Variants in CTNND2 observed in about 807,000 individuals in gnomAD.
The protein encoded by CTNND2 is catenin delta 2.
CTNND2 carries 22 observed loss-of-function variants against 144.4 expected under a neutral mutation model. That is an observed-to-expected ratio of 0.15 (90% CI 0.11 to 0.22). The LOEUF is 0.22. CTNND2 is among the 10% of genes least tolerant of loss of function. The pLI, the probability that CTNND2 is intolerant of heterozygous loss-of-function variation, is 1.00. For missense variants in CTNND2, 1,353 were observed against 1,618.8 expected (o/e 0.84, Z 2.82); for synonymous variants, 751 against 695.6 (o/e 1.08, Z -1.25).
At chr5:11,152,014 A>G (rs1757793991) in intron 12 of CTNND2, among the ~76,000 whole-genome samples, 1 of 152,220 alleles carries the variant, frequency 6.6e-6, no homozygotes, top group Admixed American at 6.5e-5. Flanking sequence ...CCTAACAGAT[A>G]CAAAGCTCAA....
intron 16 of CTNND2, among the ~76,000 whole-genome samples, chr5:11,030,175 TTATC>T (rs769178189): frequency 6.6e-6 from 1 of 152,184 alleles, no homozygotes; most frequent in Non-Finnish European, 1.5e-5. Context: ...TCAAGATTCT[TTATC>T]TATGTCTTTC....
intron 3 of CTNND2, among the ~76,000 whole-genome samples, chr5:11,538,447 T>C (rs931318075): frequency 6.6e-6 from 1 of 152,208 alleles, no homozygotes; most frequent in African/African-American, 2.4e-5. Flanking sequence ...GTGACCACTA[T>C]GTATGCTTAG....
At chr5:11,655,376 C>G (rs1581675520) in intron 2 of CTNND2, among the ~76,000 whole-genome samples, 1 of 151,894 alleles carries the variant, frequency 6.6e-6, no homozygotes, top group East Asian at 1.9e-4. Flanking sequence ...AAGGTGCAAC[C>G]ACCACCCCCA....
At chr5:10,977,046 C>CT (rs1736578957) in intron 21 of CTNND2, among the ~76,000 whole-genome samples, 1 of 152,208 alleles carries the variant, frequency 6.6e-6, no homozygotes, top group Non-Finnish European at 1.5e-5. Flanking sequence ...TTTAACAGCC[C>CT]TTTGGGGAAT....
At chr5:11,741,896 T>G (rs1340539369) in intron 1 of CTNND2, among the ~76,000 whole-genome samples, 1 of 151,322 alleles carries the variant, frequency 6.6e-6, no homozygotes, top group African/African-American at 2.4e-5. Flanking sequence ...TAATGTTATT[T>G]GCAGTGACCT....
intron 12 of CTNND2, among the ~76,000 whole-genome samples, chr5:11,140,745 G>A (rs968471725): frequency 3.3e-5 from 5 of 152,118 alleles, no homozygotes; most frequent in African/African-American, 1.2e-4. Flanking sequence ...TTCATCCAAT[G>A]TATAGGAGAA....
chr5:11,606,181 A>T (rs1780035913), intron 2 of CTNND2, among the ~76,000 whole-genome samples: 1 of 152,230 alleles, frequency 6.6e-6, no homozygotes, highest in African/African-American at 2.4e-5. Context: ...AAGGAAATGG[A>T]GACTTCAACA....
intron 12 of CTNND2, among the ~76,000 whole-genome samples, chr5:11,141,496 T>C (rs946221808): frequency 6.6e-6 from 1 of 152,180 alleles, no homozygotes; most frequent in Non-Finnish European, 1.5e-5. Context: ...TCAGTAAAAA[T>C]ATCCTTTGGG....
At chr5:11,436,338 AG>A (rs1165678924) in intron 3 of CTNND2, among the ~76,000 whole-genome samples, 1 of 152,158 alleles carries the variant, frequency 6.6e-6, no homozygotes, top group African/African-American at 2.4e-5. Flanking sequence ...ATCTCCAACC[AG>A]GCTATTTATT....
chr5:11,169,734 C>T (rs17186117), intron 11 of CTNND2, among the ~76,000 whole-genome samples: 1,793 of 152,154 alleles, frequency 0.012, 21 homozygotes, highest in Middle Eastern at 0.034. Flanking sequence ...TCAACATAAG[C>T]GCGCTAATTG....
At chr5:11,895,426 T>C (rs1489501290) in intron 1 of CTNND2, among the ~76,000 whole-genome samples, 1 of 152,206 alleles carries the variant, frequency 6.6e-6, no homozygotes, top group Non-Finnish European at 1.5e-5. Flanking sequence ...ACAGGAATTA[T>C]TGTTTCCCCT....
chr5:11,462,416 G>A (rs976654802), intron 3 of CTNND2, among the ~76,000 whole-genome samples: 1 of 152,066 alleles, frequency 6.6e-6, no homozygotes, highest in Non-Finnish European at 1.5e-5. Context: ...CCCTCAACTT[G>A]AGCCCTGGCC....
At chr5:11,604,563 C>G (rs1779959403) in intron 2 of CTNND2, among the ~76,000 whole-genome samples, 1 of 152,180 alleles carries the variant, frequency 6.6e-6, no homozygotes, top group African/African-American at 2.4e-5. Flanking sequence ...CTTTGCAAGT[C>G]CCCTTGCCTT....
At chr5:11,605,358 A>T (rs1779994547) in intron 2 of CTNND2, among the ~76,000 whole-genome samples, 1 of 152,270 alleles carries the variant, frequency 6.6e-6, no homozygotes, top group Admixed American at 6.5e-5. Context: ...CTAATGAAGC[A>T]TCACAGACAA....
intron 5 of CTNND2, among the ~76,000 whole-genome samples, chr5:11,404,890 A>T (rs1281986034): frequency 6.6e-6 from 1 of 151,902 alleles, no homozygotes; most frequent in African/African-American, 2.4e-5. Flanking sequence ...GATTGCAGGC[A>T]TGAGCCACTG....
intron 21 of CTNND2, among the ~76,000 whole-genome samples, chr5:10,979,090 G>A (rs1736891406): frequency 6.6e-6 from 1 of 152,146 alleles, no homozygotes; most frequent in Non-Finnish European, 1.5e-5. Context: ...CTCTACCTGA[G>A]GGGACTCAAG....
At chr5:11,279,115 C>T (rs1746852059) in intron 9 of CTNND2, among the ~76,000 whole-genome samples, 1 of 152,132 alleles carries the variant, frequency 6.6e-6, no homozygotes, top group African/African-American at 2.4e-5. Flanking sequence ...ATCCATGGGA[C>T]TGTCTTGGGC....
At chr5:11,453,628 G>T (rs1765475962) in intron 3 of CTNND2, among the ~76,000 whole-genome samples, 1 of 152,126 alleles carries the variant, frequency 6.6e-6, no homozygotes, top group African/African-American at 2.4e-5. Context: ...CTCCATTTTG[G>T]TTTGGGTATA....
intron 3 of CTNND2, among the ~76,000 whole-genome samples, chr5:11,447,726 C>T (rs1383332521): frequency 1.3e-5 from 2 of 152,102 alleles, no homozygotes; most frequent in Admixed American, 1.3e-4. Flanking sequence ...TGGCTACTGT[C>T]CACCCAGACA....
Sources: allele counts gnomAD v4.1 joint callset (sites outside exome capture counted in the v4.1 genomes callset), GRCh38; gene constraint gnomAD v4.1.1; transcripts MANE v1.5; gene names NCBI Gene and HGNC (gene_info 2026-07-23, HGNC 2026-07-21).